Variants in UBR2 observed in about 807,000 individuals in gnomAD.
UBR2 encodes the protein ubiquitin protein ligase E3 component n-recognin 2.
Under a neutral mutation model 247.9 loss-of-function variants are expected in UBR2, and 92 were observed. That is an observed-to-expected ratio of 0.37 (90% CI 0.31 to 0.44). The LOEUF is 0.44. Among genes scored for constraint, UBR2 ranks in the 20% least tolerant of loss-of-function variants. UBR2 has a pLI of 1.00. For synonymous variants in UBR2, 672 were observed against 693.5 expected (o/e 0.97, Z 0.49); for missense variants, 1,613 against 2,112.6 (o/e 0.76, Z 4.64).
rs144561304 is a variant in UBR2, at chr6:42,566,424, C to T, written c.78+2027C>T. Among the ~76,000 whole-genome samples the T allele has an allele frequency of 5.3e-4, 81 of 152,202 alleles. 2 individuals are homozygous for T. In the East Asian group the frequency reaches 8.1e-3, roughly 15 times the overall value. ...TTTTTTTGAGACAGTCTTGCTCTGT[C>T]GCCAGGCTGGAGTGCAATGGCGCAA... is the stretch of plus-strand genomic sequence containing the variant. On this transcript the variant is annotated intron_variant, in intron 1 of 46. Coordinates refer to ENST00000372901, the MANE Select transcript of UBR2 (RefSeq NM_001363705.2).
chr6:42,643,383 G>A (rs922934300), intron 18 of UBR2, among the ~76,000 whole-genome samples: 6 of 152,008 alleles, frequency 3.9e-5, no homozygotes, highest in African/African-American at 7.2e-5. Flanking sequence ...ATCACCTGAC[G>A]TCAGGAGTTT....
At chr6:42,675,033 G>A (rs769713841) in intron 38 of UBR2, among the ~76,000 whole-genome samples, 5 of 152,170 alleles carry the variant, frequency 3.3e-5, no homozygotes, top group Non-Finnish European at 7.3e-5. Context: ...AGCCCCGAGT[G>A]CTGTGCCTTT....
intron 11 of UBR2, chr6:42,619,429 A>AT (rs1794775705): frequency 2.0e-4 from 3 of 15,332 alleles, no homozygotes; most frequent in African/African-American, 5.6e-4. Context: ...ATATATATAT[A>AT]TATATATATA....
rs1790639162 is a variant in UBR2, at chr6:42,564,197, C to G, written c.-123C>G. On this transcript the variant is annotated 5_prime_UTR_variant, in exon 1 of 47. Coordinates refer to ENST00000372901, the MANE Select transcript of UBR2 (RefSeq NM_001363705.2). ...TTCTCTCCCTCTGTTGCTCCACCTGCAGCCACTTGGACGGCTCCGGGACTG... is the reference window on the plus strand; with the variant it reads ...TTCTCTCCCTCTGTTGCTCCACCTGGAGCCACTTGGACGGCTCCGGGACTG... 7 of 1,082,744 alleles carry G rather than the reference C, an allele frequency of 6.5e-6. No homozygotes were observed. The East Asian group carries it at 1.9e-4, about 30-fold the overall frequency. The allele number at this position is 1,082,744 out of a possible 1,614,324, so 67.1% of individuals were successfully genotyped here.
intron 25 of UBR2, among the ~76,000 whole-genome samples, chr6:42,653,089 T>A (rs956925105): frequency 2.6e-4 from 39 of 152,208 alleles, no homozygotes; most frequent in African/African-American, 8.7e-4. Flanking sequence ...TATTTTTGTT[T>A]TTGTGTTTTT....
chr6:42,651,836 A>G (rs1266676946), intron 23 of UBR2, among the ~76,000 whole-genome samples, 187 bp from the exon 24 acceptor site: 1 of 151,986 alleles, frequency 6.6e-6, no homozygotes, highest in African/African-American at 2.4e-5. Flanking sequence ...CCTTGGCCAG[A>G]CACATTGGCT....
At chr6:42,688,568 G>GT (rs1663818826) in intron 45 of UBR2, among the ~76,000 whole-genome samples, 182 bp downstream of exon 45, 1 of 152,142 alleles carries the variant, frequency 6.6e-6, no homozygotes, top group Non-Finnish European at 1.5e-5. Flanking sequence ...CTCTGTGTTG[G>GT]TTCTTTTATT....
chr6:42,622,616 C>T (rs1301290529), intron 11 of UBR2, among the ~76,000 whole-genome samples: 2 of 151,676 alleles, frequency 1.3e-5, no homozygotes, highest in Non-Finnish European at 2.9e-5. Context: ...GTTAGCCAGA[C>T]TGGTCTCAAA....
At chr6:42,682,940 T>C (rs1799139077) in intron 42 of UBR2, 115 bp from the exon 43 acceptor site, 2 of 818,978 alleles carry the variant, frequency 2.4e-6, no homozygotes, top group Non-Finnish European at 3.8e-6. Context: ...TTTGATGAAG[T>C]AAATATGTTA....
At chr6:42,602,918 GAT>G (rs1793479266) in intron 4 of UBR2, among the ~76,000 whole-genome samples, 1 of 152,020 alleles carries the variant, frequency 6.6e-6, no homozygotes, top group Non-Finnish European at 1.5e-5. Flanking sequence ...TAAGATGAAA[GAT>G]AGTGCAAAAC....
In UBR2 at chr6:42,597,613, G is replaced by A. The variant is rs778156338; in HGVS notation, c.531+3309G>A. ...ACTCTGTCTCCAAAAAAAAAAAAAA[G>A]TTTAAGAGAAATGAAGTCAGCCAGG... On this transcript the variant is annotated intron_variant, in intron 4 of 46. Coordinates refer to ENST00000372901, the MANE Select transcript of UBR2 (RefSeq NM_001363705.2). 3.9e-3 allele frequency among the ~76,000 whole-genome samples: 560 copies of A among 142,904 alleles called. 1 individual carries two copies. Among genetic ancestry groups the A allele is most frequent in the Non-Finnish European group, 6.3e-3 (403 of 64,350 alleles). 93.8% of individuals were successfully genotyped at this position (142,904 alleles called of 152,430 possible).
At chr6:42,651,013 G>C (rs905222104) in intron 23 of UBR2, among the ~76,000 whole-genome samples, 3 of 152,088 alleles carry the variant, frequency 2.0e-5, no homozygotes, top group African/African-American at 7.2e-5. Context: ...CTTGAGCTCA[G>C]GAGTTCGAGA....
At chr6:42,597,668 C>G (rs1040434401) in intron 4 of UBR2, among the ~76,000 whole-genome samples, 1 of 151,472 alleles carries the variant, frequency 6.6e-6, no homozygotes, top group Non-Finnish European at 1.5e-5. Context: ...AATCCCAGCA[C>G]TTTGGGAGGC....
At chr6:42,603,836 A>G (rs1793534288) in intron 5 of UBR2, 118 bp downstream of exon 5, 2 of 1,055,412 alleles carry the variant, frequency 1.9e-6, no homozygotes, top group Non-Finnish European at 2.7e-6. Flanking sequence ...CAATAACCTC[A>G]ATTTTATAGT....
chr6:42,684,601 A>G (rs1799261835), intron 43 of UBR2, among the ~76,000 whole-genome samples, 193 bp from the exon 44 acceptor site: 1 of 151,560 alleles, frequency 6.6e-6, no homozygotes, highest in Non-Finnish European at 1.5e-5. Flanking sequence ...AACAAAAAAC[A>G]AAAACAAAAA....
chr6:42,592,885 A>G (rs1792754823), intron 3 of UBR2, among the ~76,000 whole-genome samples: 1 of 152,194 alleles, frequency 6.6e-6, no homozygotes, highest in Non-Finnish European at 1.5e-5. Context: ...GAACTAAAAC[A>G]GCTACGGGGC....
At chr6:42,575,890 T>C (rs753570985) in intron 2 of UBR2, among the ~76,000 whole-genome samples, 7 of 152,240 alleles carry the variant, frequency 4.6e-5, no homozygotes, top group Non-Finnish European at 8.8e-5. Flanking sequence ...AATTTATTTA[T>C]TTATATCAGT....
intron 11 of UBR2, among the ~76,000 whole-genome samples, chr6:42,629,420 G>A (rs952605130): frequency 1.3e-5 from 2 of 152,232 alleles, no homozygotes; most frequent in South Asian, 2.1e-4. Context: ...TTGGGAGGCC[G>A]AGGCAGGCAG....
intron 4 of UBR2, among the ~76,000 whole-genome samples, chr6:42,602,761 CGTGTGT>C (rs35409984): frequency 1.4e-5 from 2 of 145,500 alleles, no homozygotes; most frequent in African/African-American, 5.1e-5. Context: ...GCTGTGTGTG[CGTGTGT>C]GTGTGTGTGT....
Sources: allele counts gnomAD v4.1 joint callset (sites outside exome capture counted in the v4.1 genomes callset), GRCh38; gene constraint gnomAD v4.1.1; transcripts MANE v1.5; gene names NCBI Gene and HGNC (gene_info 2026-07-23, HGNC 2026-07-21).